The following ALDH1A2 variants were observed in gnomAD, a reference collection of about 807,000 sequenced individuals.
ALDH1A2 encodes the protein aldehyde dehydrogenase 1 family member A2.
ALDH1A2 carries 27 observed loss-of-function variants against 60.3 expected under a neutral mutation model. That is an observed-to-expected ratio of 0.45 (90% CI 0.33 to 0.62). The LOEUF is 0.62. ALDH1A2 is among the 20% of genes least tolerant of loss of function. The probability of loss-of-function intolerance (pLI) is 0.02; values close to 1 mark genes in which losing one functional copy is unlikely to be tolerated. For synonymous variants in ALDH1A2, 289 were observed against 232.4 expected, an observed-to-expected ratio of 1.24 and a Z score of -2.21; for missense variants, 581 against 643.8, an observed-to-expected ratio of 0.90 and a Z score of 1.06.
intron 7 of ALDH1A2, among the ~76,000 whole-genome samples, chr15:57,970,065 A>C (rs1046376701): frequency 2.0e-5 from 3 of 152,220 alleles, no homozygotes; most frequent in Non-Finnish European, 4.4e-5. Flanking sequence ...GGAGTTAAAA[A>C]AGACAGACAG....
chr15:57,981,710 C>T (rs1894520448), intron 7 of ALDH1A2, among the ~76,000 whole-genome samples: 1 of 152,072 alleles, frequency 6.6e-6, no homozygotes, highest in Non-Finnish European at 1.5e-5. Context: ...TACCACACTT[C>T]CCCAAGCATT....
chr15:58,059,118 G>A (rs114174586), intron 1 of ALDH1A2, among the ~76,000 whole-genome samples: 2,107 of 152,248 alleles, frequency 0.014, 56 homozygotes, highest in African/African-American at 0.047. Flanking sequence ...AGACAGTAGA[G>A]AAATACCAGT....
In ALDH1A2 at chr15:58,013,956, A is replaced by C. The variant is rs1176649097; in HGVS notation, c.265T>G (p.Ser89Ala). ...KAVQAARLAF[S>A]LGSVWRRMDA... is the part of the protein sequence containing the mutation. ...ATCCTTCTCCACACTGAACCAAGAGAGAAAGCCAGGCGGGCTGCCTGCACT... is the reference window on the plus strand; with the variant it reads ...ATCCTTCTCCACACTGAACCAAGAGCGAAAGCCAGGCGGGCTGCCTGCACT... Residue 89 changes from serine to alanine, a missense_variant, in exon 3 of 13, where the codon TCT becomes GCT. Coordinates refer to ENST00000249750, the MANE Select transcript of ALDH1A2 (RefSeq NM_003888.4). The C allele has an allele frequency of 5.0e-6, 8 of 1,613,988 alleles. No homozygotes were observed. In the African/African-American group the frequency reaches 1.1e-4, roughly 22 times the overall value.
At chr15:57,960,964 G>T (rs1893697740) in intron 11 of ALDH1A2, 120 bp from the exon 12 acceptor site, 1 of 1,336,904 alleles carries the variant, frequency 7.5e-7, no homozygotes. Flanking sequence ...GGAAAAAATT[G>T]TAATTTAAAA....
chr15:58,041,553 C>T (rs1896518794), intron 1 of ALDH1A2, among the ~76,000 whole-genome samples: 1 of 151,832 alleles, frequency 6.6e-6, no homozygotes, highest in Admixed American at 6.6e-5. Context: ...TGGTGAGGGC[C>T]CACTTTTTGG....
chr15:57,986,611 A>G (rs1251832581), intron 7 of ALDH1A2, among the ~76,000 whole-genome samples: 2 of 150,790 alleles, frequency 1.3e-5, no homozygotes, highest in Admixed American at 1.3e-4. Context: ...TAAACAGGAA[A>G]AACTCCAGTC....
chr15:58,036,396 C>A (rs1896379358), intron 1 of ALDH1A2, among the ~76,000 whole-genome samples: 1 of 151,594 alleles, frequency 6.6e-6, no homozygotes, highest in African/African-American at 2.4e-5. Context: ...TTGGCAGCAA[C>A]TATTAACCTT....
chr15:58,032,464 C>T (rs1317197830), intron 1 of ALDH1A2, among the ~76,000 whole-genome samples: 3 of 152,042 alleles, frequency 2.0e-5, no homozygotes, highest in Non-Finnish European at 4.4e-5. Flanking sequence ...ATGTAACAAA[C>T]CTGCACGTTG....
chr15:58,056,440 C>G (rs552878156), intron 1 of ALDH1A2, among the ~76,000 whole-genome samples: 2 of 152,070 alleles, frequency 1.3e-5, no homozygotes, highest in Non-Finnish European at 2.9e-5. Flanking sequence ...ATGACCAATT[C>G]TAGGAGGTAA....
At chr15:57,987,841 C>T (rs940415679) in intron 7 of ALDH1A2, among the ~76,000 whole-genome samples, 2 of 145,014 alleles carry the variant, frequency 1.4e-5, no homozygotes, top group Non-Finnish European at 3.0e-5. Context: ...GCCTGAGCAA[C>T]TACTGCACTC....
At chr15:57,977,369 G>C (rs2140469391) in intron 7 of ALDH1A2, among the ~76,000 whole-genome samples, 1 of 152,234 alleles carries the variant, frequency 6.6e-6, no homozygotes, top group South Asian at 2.1e-4. Flanking sequence ...GATTTTTATG[G>C]TTTTAGTTCT....
chr15:57,955,523 G>A (rs1455146921), intron 12 of ALDH1A2, among the ~76,000 whole-genome samples: 1 of 152,184 alleles, frequency 6.6e-6, no homozygotes, highest in Non-Finnish European at 1.5e-5. Context: ...GTTAAAAGGT[G>A]ACTTGTTTTC....
chr15:57,969,821 G>A (rs531720253), intron 7 of ALDH1A2, among the ~76,000 whole-genome samples: 7 of 152,276 alleles, frequency 4.6e-5, no homozygotes, highest in African/African-American at 9.6e-5. Context: ...CAACGTACTC[G>A]TGTGATACCT....
At chr15:57,992,658 C>T (rs765448469) in intron 7 of ALDH1A2, 47 bp downstream of exon 7, 1 of 1,559,872 alleles carries the variant, frequency 6.4e-7, no homozygotes, top group South Asian at 1.1e-5. Context: ...AACCCCTCAA[C>T]TCATTTGCAA....
At chr15:57,972,443 C>G (rs1894101685) in intron 7 of ALDH1A2, among the ~76,000 whole-genome samples, 1 of 152,192 alleles carries the variant, frequency 6.6e-6, no homozygotes, top group Non-Finnish European at 1.5e-5. Flanking sequence ...TTGTCTTGGT[C>G]TGCTTTGATA....
intron 7 of ALDH1A2, among the ~76,000 whole-genome samples, chr15:57,975,617 G>A (rs1037633825): frequency 3.3e-5 from 5 of 152,106 alleles, no homozygotes; most frequent in Non-Finnish European, 7.4e-5. Context: ...ATTCAGAATA[G>A]TTAAACTATA....
Position 57,954,655 on chromosome 15 carries a change from C to A in ALDH1A2, c.*542G>T. 5.5e-6 allele frequency: 1 copy of A among 181,332 alleles called. No individual in the cohort carries two copies. The highest frequency in any genetic ancestry group is 1.2e-5 in the Non-Finnish European group (1 of 83,262). The allele number at this position is 181,332 out of a possible 1,614,324, so 11.2% of individuals were successfully genotyped here. On this transcript the variant is annotated 3_prime_UTR_variant, in exon 13 of 13. Coordinates refer to ENST00000249750, the MANE Select transcript of ALDH1A2 (RefSeq NM_003888.4). ...ATTCTGGTCTGACTCTAGCTAAAAC[C>A]ATTTCATGTTTTGCTTTGAAGAAAT...
chr15:57,993,397 A>G lies in ALDH1A2; in HGVS notation c.556-324T>C, dbSNP rs16977885. Among the ~76,000 whole-genome samples the G allele has an allele frequency of 0.026, 4,007 of 152,224 alleles. 174 individuals carry two copies. Among genetic ancestry groups the G allele is most frequent in the African/African-American group, 0.089 (3,713 of 41,500 alleles). On this transcript the variant is annotated intron_variant, in intron 5 of 12. Coordinates refer to ENST00000249750, the MANE Select transcript of ALDH1A2 (RefSeq NM_003888.4). ...TTTTTTTAATTAGGCTTTGGTTCCA[A>G]TAAGTTCTCGTGTATGAAAACTTTT...
At chr15:57,969,978 G>A (rs1281977035) in intron 7 of ALDH1A2, among the ~76,000 whole-genome samples, 1 of 152,158 alleles carries the variant, frequency 6.6e-6, no homozygotes, top group Non-Finnish European at 1.5e-5. Flanking sequence ...CTCCTCCTGG[G>A]TCTCAGCTTC....
Sources: allele counts gnomAD v4.1 joint callset (sites outside exome capture counted in the v4.1 genomes callset), GRCh38; gene constraint gnomAD v4.1.1; transcripts MANE v1.5; gene names NCBI Gene and HGNC (gene_info 2026-07-23, HGNC 2026-07-21).